The following KCNIP4 variants were observed in gnomAD, a reference collection of about 807,000 sequenced individuals.
KCNIP4 encodes the protein Kv channel-interacting protein 4.
In KCNIP4, 12 loss-of-function variants were observed where a neutral mutation model predicts 34.0. That is an observed-to-expected ratio of 0.35 (90% CI 0.23 to 0.57). The LOEUF (loss-of-function observed/expected upper bound fraction) is 0.57, where lower values mean the gene tolerates loss of function less well. Ranked by LOEUF, KCNIP4 falls within the 20% of genes least tolerant of loss-of-function variation. KCNIP4 has a pLI of 0.83. For missense variants in KCNIP4, 238 were observed against 311.7 expected, an observed-to-expected ratio of 0.76 and a Z score of 1.78; for synonymous variants, 124 against 102.2, an observed-to-expected ratio of 1.21 and a Z score of -1.29.
intron 3 of KCNIP4, among the ~76,000 whole-genome samples, chr4:20,830,411 G>A (rs1718276461): frequency 6.6e-6 from 1 of 152,006 alleles, no homozygotes; most frequent in Non-Finnish European, 1.5e-5. Flanking sequence ...CTTGGTTGAG[G>A]GCCAAGATCT....
chr4:21,707,399 T>C (rs77860744), intron 1 of KCNIP4, among the ~76,000 whole-genome samples: 2,620 of 152,226 alleles, frequency 0.017, 77 homozygotes, highest in African/African-American at 0.052. Flanking sequence ...TTCTAGAAGA[T>C]GAGATTGAAC....
At chr4:21,480,612 G>A (rs1478138072) in intron 1 of KCNIP4, among the ~76,000 whole-genome samples, 2 of 152,084 alleles carry the variant, frequency 1.3e-5, no homozygotes, top group Admixed American at 1.3e-4. Flanking sequence ...TAATCATTGA[G>A]AATCTATAAC....
intron 1 of KCNIP4, among the ~76,000 whole-genome samples, chr4:21,595,414 C>T (rs1325771519): frequency 6.6e-6 from 1 of 152,022 alleles, no homozygotes; most frequent in East Asian, 1.9e-4. Context: ...GGGTGGGTTC[C>T]AAGTCTTTGC....
chr4:21,593,514 C>A (rs536490982), intron 1 of KCNIP4, among the ~76,000 whole-genome samples: 7 of 152,152 alleles, frequency 4.6e-5, no homozygotes, highest in African/African-American at 1.7e-4. Flanking sequence ...GGTCCCCGGA[C>A]CTGGCACAAA....
At chr4:21,665,080 G>A (rs142381431) in intron 1 of KCNIP4, among the ~76,000 whole-genome samples, 10 of 152,220 alleles carry the variant, frequency 6.6e-5, no homozygotes, top group African/African-American at 2.2e-4. Context: ...TAGGACGTGA[G>A]GACCAGCACA....
intron 1 of KCNIP4, among the ~76,000 whole-genome samples, chr4:21,636,309 A>T (rs536559138): frequency 4.7e-4 from 72 of 152,248 alleles, no homozygotes; most frequent in African/African-American, 1.7e-3. Flanking sequence ...AGGAAAAAAA[A>T]AAAAGAAAGA....
At chr4:21,457,646 C>G (rs772378696) in intron 1 of KCNIP4, among the ~76,000 whole-genome samples, 2 of 151,958 alleles carry the variant, frequency 1.3e-5, no homozygotes, top group Non-Finnish European at 2.9e-5. Flanking sequence ...GACAGAATCC[C>G]TCTTTCCCGC....
intron 1 of KCNIP4, among the ~76,000 whole-genome samples, chr4:21,809,707 C>T (rs182620232): frequency 6.6e-6 from 1 of 152,160 alleles, no homozygotes; most frequent in East Asian, 1.9e-4. Context: ...TTATTTAAAC[C>T]ACAGGAAGTT....
At chr4:21,492,813 A>G (rs1294432590) in intron 1 of KCNIP4, among the ~76,000 whole-genome samples, 1 of 152,194 alleles carries the variant, frequency 6.6e-6, no homozygotes, top group Non-Finnish European at 1.5e-5. Context: ...ATATTGCATG[A>G]AGCCATGAAA....
chr4:21,833,801 C>T (rs1304916677), intron 1 of KCNIP4, among the ~76,000 whole-genome samples: 3 of 152,110 alleles, frequency 2.0e-5, no homozygotes, highest in South Asian at 2.1e-4. Flanking sequence ...GTTTCAGCTT[C>T]CTACATATGG....
intron 1 of KCNIP4, among the ~76,000 whole-genome samples, chr4:21,644,554 G>T (rs1177965539): frequency 3.3e-5 from 5 of 152,090 alleles, no homozygotes; most frequent in African/African-American, 1.2e-4. Context: ...ATGAGGAAGG[G>T]GTAAGTCCAT....
intron 1 of KCNIP4, among the ~76,000 whole-genome samples, chr4:21,896,335 T>C (rs1333061073): frequency 6.6e-6 from 1 of 152,172 alleles, no homozygotes; most frequent in Non-Finnish European, 1.5e-5. Context: ...CAAGGTACTA[T>C]CAGCCCTGGT....
At chr4:21,814,534 T>C (rs1054218419) in intron 1 of KCNIP4, among the ~76,000 whole-genome samples, 3 of 152,140 alleles carry the variant, frequency 2.0e-5, no homozygotes, top group Non-Finnish European at 4.4e-5. Context: ...TCCCCAGCCA[T>C]GTGAAACTGT....
At chr4:21,317,409 A>AG (rs1713880044) in intron 1 of KCNIP4, among the ~76,000 whole-genome samples, 1 of 152,276 alleles carries the variant, frequency 6.6e-6, no homozygotes, top group Middle Eastern at 3.4e-3. Flanking sequence ...CCTTATTTTG[A>AG]GAAAAAAAGG....
At chr4:21,005,584 T>C (rs536392282) in intron 1 of KCNIP4, among the ~76,000 whole-genome samples, 1 of 152,324 alleles carries the variant, frequency 6.6e-6, no homozygotes, top group East Asian at 1.9e-4. Flanking sequence ...CATTTTTTTT[T>C]CTACATATAA....
At chr4:21,260,426 G>A (rs1189568944) in intron 1 of KCNIP4, among the ~76,000 whole-genome samples, 1 of 152,100 alleles carries the variant, frequency 6.6e-6, no homozygotes, top group Non-Finnish European at 1.5e-5. Flanking sequence ...AAACATTTTT[G>A]CGTTGTTTAG....
chr4:20,765,556 A>G (rs185412442), intron 3 of KCNIP4, among the ~76,000 whole-genome samples: 3 of 152,244 alleles, frequency 2.0e-5, no homozygotes, highest in African/African-American at 7.2e-5. Context: ...TGTGCCACAT[A>G]CTCTTTACTG....
At chr4:21,270,986 CAAAAA>C (rs370059673) in intron 1 of KCNIP4, among the ~76,000 whole-genome samples, 1 of 111,380 alleles carries the variant, frequency 9.0e-6, no homozygotes, top group Non-Finnish European at 1.9e-5. Flanking sequence ...TCCCTGTCCC[CAAAAA>C]AAAAAAAAAA....
chr4:21,894,334 C>CAAATAAAT (rs71655673), intron 1 of KCNIP4, among the ~76,000 whole-genome samples: 21,168 of 150,760 alleles, frequency 0.14, 1,766 homozygotes, highest in Non-Finnish European at 0.19. Context: ...GACCCAGTCT[C>CAAATAAAT]AAATAAATAA....
Sources: gnomAD v4.1 joint callset for allele counts (sites outside exome capture counted in the v4.1 genomes callset) on GRCh38, gnomAD v4.1.1 for gene constraint, MANE v1.5 for transcripts, NCBI Gene and HGNC (gene_info 2026-07-23, HGNC 2026-07-21) for gene names.